DPP6: variants seen among roughly 807,000 people sequenced by gnomAD.
The protein encoded by DPP6 is dipeptidyl peptidase like 6, also known as A-type potassium channel modulatory protein DPP6.
A neutral mutation model predicts 122.6 loss-of-function variants in DPP6; 69 were observed. That is an observed-to-expected ratio of 0.56 (90% CI 0.46 to 0.69). The LOEUF is 0.69. Ranked by LOEUF, DPP6 falls within the 30% of genes least tolerant of loss-of-function variation. The pLI, the probability that DPP6 is intolerant of heterozygous loss-of-function variation, is 0.00. For synonymous variants in DPP6, 418 were observed against 433.1 expected (o/e 0.97, Z 0.43); for missense variants, 928 against 1,116.9 (o/e 0.83, Z 2.41).
chr7:154,861,697 A>AGTT (rs1485665228), intron 17 of DPP6, among the ~76,000 whole-genome samples: 1 of 152,212 alleles, frequency 6.6e-6, no homozygotes, highest in Non-Finnish European at 1.5e-5. Context: ...GGACATAAAA[A>AGTT]GTTATGATTG....
At chr7:153,899,732 A>G (rs1243368257) in intron 1 of DPP6, among the ~76,000 whole-genome samples, 1 of 152,230 alleles carries the variant, frequency 6.6e-6, no homozygotes, top group East Asian at 1.9e-4. Context: ...AATTGAGAGC[A>G]CTGAAATTGT....
chr7:154,814,396 A>C (rs533465695), intron 16 of DPP6, among the ~76,000 whole-genome samples: 1 of 152,218 alleles, frequency 6.6e-6, no homozygotes, highest in African/African-American at 2.4e-5. Context: ...ATCCCCTTAC[A>C]GGAGGGATGA....
At chr7:154,307,227 T>C (rs1806427369) in intron 1 of DPP6, among the ~76,000 whole-genome samples, 1 of 152,190 alleles carries the variant, frequency 6.6e-6, no homozygotes, top group Non-Finnish European at 1.5e-5. Flanking sequence ...AATAGTTAAT[T>C]AGGGTGTGGG....
At chr7:154,229,129 T>A (rs2150846244) in intron 1 of DPP6, among the ~76,000 whole-genome samples, 1 of 152,270 alleles carries the variant, frequency 6.6e-6, no homozygotes, top group Non-Finnish European at 1.5e-5. Flanking sequence ...TTATAGTTAT[T>A]TGGCCCTCCA....
chr7:154,701,609 A>G (rs1172512810), intron 7 of DPP6, among the ~76,000 whole-genome samples: 3 of 152,194 alleles, frequency 2.0e-5, no homozygotes, highest in East Asian at 1.9e-4. Context: ...CCTGACTGCC[A>G]TATCATTGCT....
intron 2 of DPP6, among the ~76,000 whole-genome samples, chr7:154,471,122 G>A (rs1399055193): frequency 1.3e-5 from 2 of 151,988 alleles, no homozygotes; most frequent in Non-Finnish European, 2.9e-5. Flanking sequence ...TCGGTGGCAG[G>A]TGCCTGTGAT....
intron 1 of DPP6, among the ~76,000 whole-genome samples, chr7:154,036,121 T>G (rs1223899567): frequency 6.6e-6 from 1 of 151,922 alleles, no homozygotes; most frequent in African/African-American, 2.4e-5. Flanking sequence ...TCTCTACTTT[T>G]TTTTTTGAGA....
chr7:153,879,131 G>C, the DPP6 span, among the ~76,000 whole-genome samples: 120 of 152,290 alleles, frequency 7.9e-4, no homozygotes, highest in Non-Finnish European at 1.6e-3. Flanking sequence ...GATGTGATGA[G>C]ATTTGTACTT....
chr7:153,754,539 T>C, the DPP6 span, among the ~76,000 whole-genome samples: 5 of 152,318 alleles, frequency 3.3e-5, no homozygotes, highest in South Asian at 1.0e-3. Context: ...TTCATATTTA[T>C]TACCGTAGTG....
chr7:154,616,426 C>A (rs1466463927), intron 5 of DPP6, among the ~76,000 whole-genome samples: 2 of 152,090 alleles, frequency 1.3e-5, no homozygotes, highest in Non-Finnish European at 2.9e-5. Flanking sequence ...GTTCTAACGC[C>A]CCCCTCCCCT....
chr7:154,097,891 G>A, intron 1 of DPP6, among the ~76,000 whole-genome samples: 1 of 152,240 alleles, frequency 6.6e-6, no homozygotes, highest in Non-Finnish European at 1.5e-5. Flanking sequence ...GACTGAGGGA[G>A]TGGTGGGAGG....
the DPP6 span, among the ~76,000 whole-genome samples, chr7:153,753,216 T>C: frequency 1.3e-5 from 2 of 151,360 alleles, no homozygotes; most frequent in Non-Finnish European, 2.9e-5. Context: ...TCTTTTATAT[T>C]TATCCTGCTA....
chr7:153,947,737 G>A (rs1041550345), intron 1 of DPP6, among the ~76,000 whole-genome samples: 6 of 152,108 alleles, frequency 3.9e-5, no homozygotes, highest in African/African-American at 1.2e-4. Context: ...ACCGCAGCAA[G>A]GTCTGTGTGC....
At chr7:154,769,280 G>C in intron 8 of DPP6, 137 bp from the exon 9 acceptor site, 1 of 1,074,958 alleles carries the variant, frequency 9.3e-7, no homozygotes, top group East Asian at 2.5e-5. Context: ...CACAGTGAAG[G>C]TTCCTCAAAG....
At chr7:153,775,276 A>G in the DPP6 span, among the ~76,000 whole-genome samples, 1 of 145,636 alleles carries the variant, frequency 6.9e-6, no homozygotes, top group Non-Finnish European at 1.5e-5. Flanking sequence ...TCACATTAGT[A>G]GAGCAAACAA....
At chr7:153,909,640 C>G (rs1246370908) in intron 1 of DPP6, among the ~76,000 whole-genome samples, 1 of 152,282 alleles carries the variant, frequency 6.6e-6, no homozygotes, top group East Asian at 1.9e-4. Context: ...ACCTCCTTCC[C>G]ACTATATTCA....
chr7:154,263,681 TA>T lies in DPP6; in HGVS notation c.244-182532del, dbSNP rs201093088. ...AAACAGTCCTCTGTTATGTTCTTTT[TA>T]TTATTATTATTATTATTATTTTTGA... On this transcript the variant is annotated intron_variant, in intron 1 of 25. Coordinates refer to ENST00000377770, the MANE Select transcript of DPP6 (RefSeq NM_130797.4). 7.7e-3 allele frequency among the ~76,000 whole-genome samples: 1,165 copies of T among 151,090 alleles called. 25 individuals carry two copies. The highest frequency in any genetic ancestry group is 0.025 in the African/African-American group (1,048 of 41,116).
chr7:154,816,954 CT>C (rs1799461832), intron 16 of DPP6, among the ~76,000 whole-genome samples: 1 of 152,188 alleles, frequency 6.6e-6, no homozygotes, highest in African/African-American at 2.4e-5. Flanking sequence ...CAGTTGGTTC[CT>C]GGCAGAAGTT....
At chr7:154,711,507 A>G (rs750959) in intron 7 of DPP6, among the ~76,000 whole-genome samples, 122,467 of 152,260 alleles carry the variant, frequency 0.8, 49,924 homozygotes, top group Non-Finnish European at 0.88. Context: ...CAAAGTGAAA[A>G]ATGAAAGAAA....
Sources: gnomAD v4.1 joint callset for allele counts (sites outside exome capture counted in the v4.1 genomes callset) on GRCh38, gnomAD v4.1.1 for gene constraint, MANE v1.5 for transcripts, NCBI Gene and HGNC (gene_info 2026-07-23, HGNC 2026-07-21) for gene names.